Variants in SYTL3 observed in about 807,000 individuals in gnomAD.
The protein encoded by SYTL3 is synaptotagmin like 3, also known as synaptotagmin-like protein 3.
Under a neutral mutation model 82.1 loss-of-function variants are expected in SYTL3, and 88 were observed. That is an observed-to-expected ratio of 1.07 (90% confidence interval 0.90 to 1.28). The LOEUF is 1.28. Ranked by LOEUF, SYTL3 falls within the 50% of genes most tolerant of loss-of-function variation. SYTL3 has a pLI of 0.00. For missense variants in SYTL3, 831 were observed against 757.6 expected (o/e 1.10, Z -1.14); for synonymous variants, 311 against 289.4 (o/e 1.07, Z -0.76).
At chr6:158,716,967 G>T (rs997172376) in intron 9 of SYTL3, among the ~76,000 whole-genome samples, 1 of 152,206 alleles carries the variant, frequency 6.6e-6, no homozygotes, top group Non-Finnish European at 1.5e-5. Flanking sequence ...TGGATATATT[G>T]TGTTAAACTA....
chr6:158,682,725 T>A (rs1299539187), intron 5 of SYTL3, among the ~76,000 whole-genome samples, 200 bp from the exon 6 acceptor site: 2 of 152,138 alleles, frequency 1.3e-5, no homozygotes, highest in Non-Finnish European at 2.9e-5. Flanking sequence ...CGGTGGGAGT[T>A]GCACAGCTTT....
intron 6 of SYTL3, among the ~76,000 whole-genome samples, chr6:158,690,080 C>T (rs1779699104): frequency 1.3e-5 from 2 of 152,336 alleles, no homozygotes; most frequent in Non-Finnish European, 2.9e-5. Flanking sequence ...ATTGGCACAG[C>T]GTGGGGCACC....
At chr6:158,669,818 G>A (rs893826185) in intron 5 of SYTL3, among the ~76,000 whole-genome samples, 3 of 152,206 alleles carry the variant, frequency 2.0e-5, no homozygotes, top group Non-Finnish European at 2.9e-5. Flanking sequence ...CATCCACGAG[G>A]TCATGGATGT....
intron 5 of SYTL3, among the ~76,000 whole-genome samples, chr6:158,675,752 C>A (rs1315059408): frequency 1.3e-5 from 2 of 152,134 alleles, no homozygotes; most frequent in African/African-American, 4.8e-5. Context: ...TCGAGACCAT[C>A]CTGGCTAACA....
intron 2 of SYTL3, among the ~76,000 whole-genome samples, chr6:158,653,689 C>T (rs1466748942): frequency 1.3e-5 from 2 of 152,158 alleles, no homozygotes; most frequent in Non-Finnish European, 2.9e-5. Flanking sequence ...AGCGAGCTGC[C>T]GCCCGCTTGA....
At chr6:158,712,341 C>G (rs1782847791) in intron 8 of SYTL3, among the ~76,000 whole-genome samples, 1 of 152,152 alleles carries the variant, frequency 6.6e-6, no homozygotes, top group South Asian at 2.1e-4. Context: ...CTGGAAACAC[C>G]CTCACAGACA....
At chr6:158,723,958 A>C (rs562499510) in intron 10 of SYTL3, among the ~76,000 whole-genome samples, 1 of 152,244 alleles carries the variant, frequency 6.6e-6, no homozygotes, top group South Asian at 2.1e-4. Context: ...TTTCTGTTTA[A>C]CCGTCACCAG....
intron 6 of SYTL3, among the ~76,000 whole-genome samples, chr6:158,706,074 G>A (rs1390262447): frequency 6.6e-6 from 1 of 152,152 alleles, no homozygotes; most frequent in African/African-American, 2.4e-5. Flanking sequence ...AGGCAAGACT[G>A]TGTTGTACCT....
At chr6:158,720,299 G>A (rs1207154914) in intron 10 of SYTL3, among the ~76,000 whole-genome samples, 7 of 151,112 alleles carry the variant, frequency 4.6e-5, no homozygotes, top group Non-Finnish European at 8.8e-5. Flanking sequence ...TACTCAGGAG[G>A]CCGAGGCAGG....
intron 6 of SYTL3, among the ~76,000 whole-genome samples, chr6:158,683,676 C>T (rs1399793084): frequency 6.6e-6 from 1 of 152,206 alleles, no homozygotes; most frequent in Non-Finnish European, 1.5e-5. Flanking sequence ...ATTGTTTGTG[C>T]ACTTCTGTTT....
chr6:158,750,646 T>C (rs1788275160), intron 12 of SYTL3, among the ~76,000 whole-genome samples: 1 of 152,026 alleles, frequency 6.6e-6, no homozygotes, highest in Admixed American at 6.6e-5. Flanking sequence ...GGGCGTCGAG[T>C]AGCTGGGACT....
intron 11 of SYTL3, among the ~76,000 whole-genome samples, chr6:158,741,060 C>T (rs1451793927): frequency 2.6e-5 from 4 of 152,048 alleles, no homozygotes; most frequent in African/African-American, 9.7e-5. Flanking sequence ...CTGATTTGTT[C>T]AACTTTTGTT....
chr6:158,753,414 T>C (rs1480359624), intron 13 of SYTL3, among the ~76,000 whole-genome samples: 1 of 151,946 alleles, frequency 6.6e-6, no homozygotes, highest in Admixed American at 6.6e-5. Flanking sequence ...GCCCCTGTAC[T>C]TAGAACTGGG....
intron 11 of SYTL3, among the ~76,000 whole-genome samples, chr6:158,727,125 C>G (rs1488144273): frequency 6.6e-6 from 1 of 152,092 alleles, no homozygotes; most frequent in Non-Finnish European, 1.5e-5. Context: ...GCTGGGATTA[C>G]AGGCGTGAGC....
Position 158,745,540 on chromosome 6 carries a change from G to A in SYTL3, c.916G>A (p.Val306Ile). The A allele has an allele frequency of 6.2e-7, 1 of 1,613,782 alleles. No homozygotes were observed. The highest frequency in any genetic ancestry group is 8.5e-7 in the Non-Finnish European group (1 of 1,179,942). The part of the protein sequence containing the change: ...TEMGNFDNAN[V>I]TGEIEFAIHY... ...GATGGGCAATTTTGACAATGCTAAT[G>A]TCACTGGAGAAATAGAATTTGCCAT... Residue 306 changes from valine to isoleucine, a missense_variant, in exon 12 of 18, where the codon GTC (valine) becomes ATC (isoleucine). Physicochemically the swap from Val to Ile is conservative, Grantham distance 29. Transcript: ENST00000611299.
At chr6:158,677,515 C>A (rs1057241748) in intron 5 of SYTL3, among the ~76,000 whole-genome samples, 2 of 151,644 alleles carry the variant, frequency 1.3e-5, no homozygotes, top group Non-Finnish European at 2.9e-5. Flanking sequence ...CACACCTGCA[C>A]GTTGTGCACA....
Position 158,760,981 on chromosome 6 carries a change from G to C in SYTL3, c.1414+236G>C, listed in dbSNP as rs558286720. ...ACAAGGCCTCTGATGCCCTCTCTACGCTCCTCTAAGGACACTGCCCTAGGC... is the reference window on the plus strand; with the variant it reads ...ACAAGGCCTCTGATGCCCTCTCTACCCTCCTCTAAGGACACTGCCCTAGGC... On this transcript the variant is annotated intron_variant, in intron 15 of 17. Transcript: ENST00000611299. 1.5e-3 allele frequency among the ~76,000 whole-genome samples: 227 copies of C among 152,228 alleles called. 1 individual carries two copies. Among genetic ancestry groups the C allele is most frequent in the African/African-American group, 5.4e-3 (223 of 41,546 alleles).
In SYTL3 at chr6:158,663,176, T is replaced by A; in HGVS notation, c.-93T>A. ...AGGGAGCTCTTTAAACAAGGCTGGC[T>A]GCAGCTGGCCTCCGCCGCTCATCTG... On this transcript the variant is annotated 5_prime_UTR_variant, in exon 4 of 18. Transcript: ENST00000611299. The A allele has an allele frequency of 9.2e-7, 1 of 1,088,082 alleles. No individual in the cohort carries two copies. The highest frequency in any genetic ancestry group is 1.4e-6 in the Non-Finnish European group (1 of 725,542). The allele number at this position is 1,088,082 out of a possible 1,614,324, so 67.4% of individuals were successfully genotyped here.
intron 8 of SYTL3, among the ~76,000 whole-genome samples, chr6:158,708,967 T>G (rs1179469063): frequency 6.6e-6 from 1 of 152,302 alleles, no homozygotes; most frequent in East Asian, 1.9e-4. Flanking sequence ...TATATTTAGC[T>G]AGGCGCGGTG....
Sources: gnomAD v4.1 joint callset for allele counts (sites outside exome capture counted in the v4.1 genomes callset) on GRCh38, gnomAD v4.1.1 for gene constraint, MANE v1.5 for transcripts, NCBI Gene and HGNC (gene_info 2026-07-23, HGNC 2026-07-21) for gene names.